Variants in TBC1D22A observed in about 807,000 individuals in gnomAD.
TBC1D22A encodes the protein TBC1 domain family member 22A.
Under a neutral mutation model 60.2 loss-of-function variants are expected in TBC1D22A, and 38 were observed. The ratio of observed to expected loss-of-function variants is 0.63; its 90% confidence interval spans 0.49 to 0.83. TBC1D22A has a LOEUF of 0.83. Ranked by LOEUF, TBC1D22A falls within the 40% of genes least tolerant of loss-of-function variation. The pLI, the probability that TBC1D22A is intolerant of heterozygous loss-of-function variation, is 0.00. For missense variants in TBC1D22A, 628 were observed against 701.0 expected (o/e 0.90, Z 1.18); for synonymous variants, 302 against 281.7 (o/e 1.07, Z -0.72).
chr22:46,991,722 C>T (rs1271447625), intron 9 of TBC1D22A, among the ~76,000 whole-genome samples: 3 of 152,198 alleles, frequency 2.0e-5, no homozygotes, highest in African/African-American at 7.2e-5. Flanking sequence ...ATTTCATTAC[C>T]TGCGTTTGAG....
At chr22:46,811,334 C>T (rs932494919) in intron 4 of TBC1D22A, among the ~76,000 whole-genome samples, 2 of 152,314 alleles carry the variant, frequency 1.3e-5, no homozygotes, top group East Asian at 1.9e-4. Flanking sequence ...TTCATTCATC[C>T]GTCAGACACG....
chr22:47,026,402 A>T (rs1334850080), intron 10 of TBC1D22A, among the ~76,000 whole-genome samples: 1 of 152,218 alleles, frequency 6.6e-6, no homozygotes. Context: ...AAAAACGTAC[A>T]TTCATTTATT....
At chr22:46,852,197 C>T (rs536518694) in intron 4 of TBC1D22A, among the ~76,000 whole-genome samples, 1 of 152,334 alleles carries the variant, frequency 6.6e-6, no homozygotes, top group East Asian at 1.9e-4. Flanking sequence ...CCCTTGCTGG[C>T]CTGTCCTTCT....
intron 4 of TBC1D22A, among the ~76,000 whole-genome samples, chr22:46,870,203 T>A (rs560631775): frequency 2.6e-5 from 4 of 152,352 alleles, no homozygotes; most frequent in Admixed American, 2.6e-4. Flanking sequence ...CTCCAGATAG[T>A]CTTTGGCCAA....
At position 46,764,505 on chromosome 22, in the gene TBC1D22A, A is replaced by G. The variant is rs937892891; in HGVS notation, c.62+1657A>G. 9.2e-5 allele frequency among the ~76,000 whole-genome samples: 14 copies of G among 152,236 alleles called. No individual in the cohort carries two copies. The East Asian group carries it at 1.9e-3, about 21-fold the overall frequency. On this transcript the variant is annotated intron_variant, in intron 1 of 12. Coordinates refer to ENST00000337137, the MANE Select transcript of TBC1D22A (RefSeq NM_014346.5). ...CAGAGCTGCTGTGTGGAGTTACAGC[A>G]GTGACTCAACCTTTGGATTGAAGGC...
chr22:47,033,725 C>T (rs1032201119), intron 10 of TBC1D22A, among the ~76,000 whole-genome samples: 4 of 152,280 alleles, frequency 2.6e-5, no homozygotes, highest in East Asian at 1.9e-4. Context: ...GAGACAGGTG[C>T]CCTGGTGGAA....
At chr22:46,837,637 A>G (rs1444707255) in intron 4 of TBC1D22A, among the ~76,000 whole-genome samples, 1 of 152,270 alleles carries the variant, frequency 6.6e-6, no homozygotes, top group East Asian at 1.9e-4. Flanking sequence ...CAGTGGGTCA[A>G]AGAGGAAATT....
At chr22:46,977,295 G>A (rs893776838) in intron 9 of TBC1D22A, among the ~76,000 whole-genome samples, 5 of 152,134 alleles carry the variant, frequency 3.3e-5, no homozygotes, top group East Asian at 1.9e-4. Context: ...TTGAGATTCC[G>A]TATTCTACTT....
chr22:47,124,445 C>T (rs556123505), intron 12 of TBC1D22A, among the ~76,000 whole-genome samples: 202 of 152,294 alleles, frequency 1.3e-3, no homozygotes, highest in African/African-American at 4.7e-3. Flanking sequence ...AGCCTAGGGG[C>T]GCATGTCCTG....
At chr22:46,997,546 G>C in intron 9 of TBC1D22A, 88 bp from the exon 10 acceptor site, 1 of 1,032,028 alleles carries the variant, frequency 9.7e-7, no homozygotes, top group South Asian at 1.4e-5. Flanking sequence ...TTATAAAGCT[G>C]TTCACTTTAT....
intron 10 of TBC1D22A, among the ~76,000 whole-genome samples, chr22:47,015,270 C>T (rs1011345013): frequency 6.6e-5 from 10 of 152,230 alleles, no homozygotes; most frequent in East Asian, 5.8e-4. Context: ...TGCCTGGGGG[C>T]GCCTAGAGGA....
chr22:46,781,684 CA>C (rs2083943844), intron 1 of TBC1D22A, among the ~76,000 whole-genome samples: 1 of 152,218 alleles, frequency 6.6e-6, no homozygotes, highest in South Asian at 2.1e-4. Context: ...CCTCTTGGGG[CA>C]TCTCTCTGCC....
At chr22:47,135,611 C>T (rs1489680588) in intron 12 of TBC1D22A, among the ~76,000 whole-genome samples, 1 of 152,094 alleles carries the variant, frequency 6.6e-6, no homozygotes, top group African/African-American at 2.4e-5. Flanking sequence ...TGAGGGGCCT[C>T]GAGGCCGGGT....
intron 11 of TBC1D22A, among the ~76,000 whole-genome samples, chr22:47,075,295 G>A (rs555532635): frequency 2.0e-4 from 30 of 151,672 alleles, no homozygotes; most frequent in African/African-American, 6.1e-4. Flanking sequence ...TTTGCTTCTT[G>A]TGTGTGTTGG....
At chr22:46,929,616 A>G (rs912190989) in intron 8 of TBC1D22A, among the ~76,000 whole-genome samples, 1 of 152,162 alleles carries the variant, frequency 6.6e-6, no homozygotes, top group Non-Finnish European at 1.5e-5. Context: ...AGCAATTAAT[A>G]CACTCTCCAG....
chr22:46,842,320 G>T (rs1294040562), intron 4 of TBC1D22A, among the ~76,000 whole-genome samples: 1 of 152,216 alleles, frequency 6.6e-6, no homozygotes, highest in Non-Finnish European at 1.5e-5. Flanking sequence ...GTCTCTATGG[G>T]ATCTAAGACT....
chr22:47,099,725 G>A lies in TBC1D22A; in HGVS notation c.1330-11783G>A, dbSNP rs188731980. ...CTCCCAAAGTGCTGAGATTACAGGC[G>A]TGAGCTACCGCACCTGGCCTCGTCC... is the stretch of plus-strand genomic sequence containing the variant. On this transcript the variant is annotated intron_variant, in intron 11 of 12. Coordinates refer to ENST00000337137, the MANE Select transcript of TBC1D22A (RefSeq NM_014346.5). Among the ~76,000 whole-genome samples the A allele has an allele frequency of 3.9e-5, 6 of 152,266 alleles. No homozygotes were observed. In the East Asian group the frequency reaches 5.8e-4, roughly 15 times the overall value.
chr22:46,918,388 C>T (rs1421240007), intron 8 of TBC1D22A, among the ~76,000 whole-genome samples: 1 of 152,190 alleles, frequency 6.6e-6, no homozygotes, highest in African/African-American at 2.4e-5. Context: ...CCTTGCCACC[C>T]ACCAGCCACA....
At chr22:47,079,112 G>T (rs866501236) in intron 11 of TBC1D22A, among the ~76,000 whole-genome samples, 1 of 131,766 alleles carries the variant, frequency 7.6e-6, no homozygotes, top group Non-Finnish European at 1.6e-5. Context: ...TTTGAGACAA[G>T]GTCTTACTCT....
Sources: gnomAD v4.1 joint callset for allele counts (sites outside exome capture counted in the v4.1 genomes callset) on GRCh38, gnomAD v4.1.1 for gene constraint, MANE v1.5 for transcripts, NCBI Gene and HGNC (gene_info 2026-07-23, HGNC 2026-07-21) for gene names.